The following CNTNAP5 variants were observed in gnomAD, a reference collection of about 807,000 sequenced individuals.
CNTNAP5 encodes contactin-associated protein-like 5.
CNTNAP5 carries 72 observed loss-of-function variants against 150.2 expected under a neutral mutation model. The observed-to-expected ratio is 0.48, with a 90% CI of 0.40 to 0.58. The LOEUF is 0.58. CNTNAP5 is among the 20% of genes least tolerant of loss of function. The probability of loss-of-function intolerance (pLI) is 0.00; values close to 1 mark genes in which losing one functional copy is unlikely to be tolerated. For missense variants in CNTNAP5, 1,636 were observed against 1,626.2 expected (o/e 1.01, Z -0.10); for synonymous variants, 672 against 619.8 (o/e 1.08, Z -1.25).
chr2:124,261,205 A>C (rs894847932), intron 3 of CNTNAP5, among the ~76,000 whole-genome samples: 62 of 152,132 alleles, frequency 4.1e-4, no homozygotes, highest in Non-Finnish European at 1.3e-4. Flanking sequence ...ATTACTAAAG[A>C]GGTAGTGGCT....
intron 1 of CNTNAP5, among the ~76,000 whole-genome samples, chr2:124,186,600 T>C (rs1685338208): frequency 6.6e-6 from 1 of 152,194 alleles, no homozygotes; most frequent in Admixed American, 6.5e-5. Context: ...GTTAAACTCA[T>C]CATCAAAAGC....
At chr2:124,116,004 G>T (rs905383078) in intron 1 of CNTNAP5, among the ~76,000 whole-genome samples, 1 of 152,070 alleles carries the variant, frequency 6.6e-6, no homozygotes. Context: ...CTCAGTCAAC[G>T]CTCAGTCAAT....
At chr2:124,744,646 G>A (rs1680567396) in intron 13 of CNTNAP5, among the ~76,000 whole-genome samples, 1 of 152,104 alleles carries the variant, frequency 6.6e-6, no homozygotes, top group African/African-American at 2.4e-5. Flanking sequence ...TTCATAGTTT[G>A]TAAATAAAAT....
intron 19 of CNTNAP5, among the ~76,000 whole-genome samples, chr2:124,811,707 G>A (rs889673544): frequency 5.7e-4 from 9 of 15,710 alleles, no homozygotes; most frequent in African/African-American, 1.4e-3. Context: ...TTTAGGAGGC[G>A]GGGGGGGTGG....
Position 124,365,040 on chromosome 2 carries a change from T to G in CNTNAP5, c.382-52403T>G, listed in dbSNP as rs182817649. On this transcript the variant is annotated intron_variant, in intron 3 of 23. Coordinates refer to ENST00000682447, the MANE Select transcript of CNTNAP5 (RefSeq NM_001367498.1). ...TTGATAGAACTCTTCTTCATGGTTC[T>G]TGAATGAATTTTTCCAAGAAATATT... Among the ~76,000 whole-genome samples, 301 of 152,296 alleles carry G rather than the reference T, an allele frequency of 2.0e-3. 1 individual carries two copies. The highest frequency in any genetic ancestry group is 3.3e-3 in the Non-Finnish European group (225 of 68,028).
intron 19 of CNTNAP5, among the ~76,000 whole-genome samples, chr2:124,851,432 C>A (rs1683154023): frequency 6.6e-6 from 1 of 152,114 alleles, no homozygotes; most frequent in Non-Finnish European, 1.5e-5. Flanking sequence ...CAGAAGGAAT[C>A]AAATTTTAAA....
At chr2:124,847,110 C>T (rs768436018) in intron 19 of CNTNAP5, among the ~76,000 whole-genome samples, 7 of 152,172 alleles carry the variant, frequency 4.6e-5, no homozygotes, top group African/African-American at 1.7e-4. Context: ...AAGGAGGATG[C>T]ATTCTTGCCT....
At chr2:124,910,338 A>T (rs1371401211) in intron 22 of CNTNAP5, among the ~76,000 whole-genome samples, 4 of 152,110 alleles carry the variant, frequency 2.6e-5, no homozygotes, top group Admixed American at 1.3e-4. Context: ...GCAAAATTAT[A>T]AGAAGAAACA....
intron 21 of CNTNAP5, among the ~76,000 whole-genome samples, chr2:124,901,512 A>G (rs1265260966): frequency 6.6e-6 from 1 of 152,082 alleles, no homozygotes; most frequent in Non-Finnish European, 1.5e-5. Flanking sequence ...AAGCCATGGG[A>G]TGTGGGTGGC....
intron 12 of CNTNAP5, among the ~76,000 whole-genome samples, chr2:124,617,506 T>C (rs529334706): frequency 6.6e-6 from 1 of 152,244 alleles, no homozygotes; most frequent in East Asian, 1.9e-4. Flanking sequence ...TCATGTGATG[T>C]TGTCACGTGG....
chr2:124,442,279 A>T (rs1192081799), intron 5 of CNTNAP5, among the ~76,000 whole-genome samples: 3 of 152,100 alleles, frequency 2.0e-5, no homozygotes, highest in African/African-American at 7.2e-5. Context: ...GTGGCAGTGG[A>T]TGCAAGAAGG....
intron 21 of CNTNAP5, among the ~76,000 whole-genome samples, chr2:124,869,986 C>T (rs181524989): frequency 6.6e-6 from 1 of 151,984 alleles, no homozygotes; most frequent in African/African-American, 2.4e-5. Context: ...AGGTAAAATA[C>T]TAAAATAATT....
At chr2:124,653,901 A>ACCACCCCCCCC (rs1678373231) in intron 13 of CNTNAP5, among the ~76,000 whole-genome samples, 1 of 60,880 alleles carries the variant, frequency 1.6e-5, no homozygotes, top group African/African-American at 6.6e-5. Flanking sequence ...ACATGCCCCC[A>ACCACCCCCCCC]CTGCCCCCAA....
At chr2:124,287,795 G>A (rs1428985703) in intron 3 of CNTNAP5, among the ~76,000 whole-genome samples, 1 of 152,080 alleles carries the variant, frequency 6.6e-6, no homozygotes, top group African/African-American at 2.4e-5. Flanking sequence ...AAACACTAAT[G>A]TTTTATTTTT....
intron 1 of CNTNAP5, among the ~76,000 whole-genome samples, chr2:124,116,033 A>G (rs1212008267): frequency 1.3e-5 from 2 of 152,114 alleles, no homozygotes; most frequent in African/African-American, 4.8e-5. Flanking sequence ...CTTTCTTTCT[A>G]CATCTTCCTT....
intron 11 of CNTNAP5, among the ~76,000 whole-genome samples, chr2:124,582,417 A>T (rs1357782411): frequency 6.6e-6 from 1 of 152,190 alleles, no homozygotes; most frequent in Admixed American, 6.5e-5. Flanking sequence ...AAGATTTCTG[A>T]TAAGGACAAA....
At chr2:124,489,630 A>G (rs745979539) in intron 7 of CNTNAP5, among the ~76,000 whole-genome samples, 16 of 152,152 alleles carry the variant, frequency 1.1e-4, no homozygotes, top group Non-Finnish European at 2.2e-4. Context: ...CCTCTCCTCC[A>G]ACTCCACTTC....
rs371855503 is a variant in CNTNAP5, at chr2:124,446,910, G to A, written c.891G>A (p.Glu297=). 1.2e-6 allele frequency: 2 copies of A among 1,613,724 alleles called. No individual in the cohort carries two copies. The highest frequency in any genetic ancestry group is 1.7e-6 in the Non-Finnish European group (2 of 1,179,782). Reference sequence around the variant, plus strand: ...CACAGCACTTCCGCACCAAGGGCGAGACGGATGCCTTAGACATTGACTATG... The same window carrying A: ...CACAGCACTTCCGCACCAAGGGCGAAACGGATGCCTTAGACATTGACTATG... ...KHTQHFRTKG[E]TDALDIDYEL... The change falls in exon 6 of 24, where the codon GAG becomes GAA. Residue 297 remains glutamate (E), a synonymous_variant. Transcript: ENST00000682447.
At chr2:124,339,042 G>A (rs1181224890) in intron 3 of CNTNAP5, among the ~76,000 whole-genome samples, 1 of 152,150 alleles carries the variant, frequency 6.6e-6, no homozygotes, top group Non-Finnish European at 1.5e-5. Context: ...TGGGCTTAGA[G>A]AGAAAAGGAA....
Sources: gnomAD v4.1 joint callset for allele counts (sites outside exome capture counted in the v4.1 genomes callset) on GRCh38, gnomAD v4.1.1 for gene constraint, MANE v1.5 for transcripts, NCBI Gene and HGNC (gene_info 2026-07-23, HGNC 2026-07-21) for gene names.